Variants in PRKN observed in about 807,000 individuals in gnomAD.
PRKN encodes the protein E3 ubiquitin-protein ligase parkin.
In PRKN, 56 loss-of-function variants were observed where a neutral mutation model predicts 59.5. The ratio of observed to expected loss-of-function variants is 0.94; its 90% CI spans 0.76 to 1.18. The LOEUF (loss-of-function observed/expected upper bound fraction) is 1.18. Among genes scored for constraint, PRKN ranks in the 50% most tolerant of loss-of-function variants. The probability of loss-of-function intolerance (pLI) is 0.00; values close to 1 mark genes in which losing one functional copy is unlikely to be tolerated. For missense variants in PRKN, 657 were observed against 596.4 expected, an observed-to-expected ratio of 1.10 and a Z score of -1.06; for synonymous variants, 250 against 222.1, an observed-to-expected ratio of 1.13 and a Z score of -1.12.
At position 162,628,697 on chromosome 6, in the gene PRKN, A is replaced by G. The variant is rs188239604; in HGVS notation, c.7+98965T>C. ...ATTCAGAGTGCATGGTAATTATTGA[A>G]TAATAACAAAAAGTTAACCTGGAAT... On this transcript the variant is annotated intron_variant, in intron 1 of 11. Transcript: ENST00000366898. Among the ~76,000 whole-genome samples the G allele has an allele frequency of 2.5e-3, 382 of 152,282 alleles. 1 individual carries two copies. The highest frequency in any genetic ancestry group is 4.6e-3 in the Non-Finnish European group (314 of 67,998).
At chr6:162,106,128 G>A (rs148018795) in intron 4 of PRKN, among the ~76,000 whole-genome samples, 1,991 of 152,292 alleles carry the variant, frequency 0.013, 33 homozygotes, top group South Asian at 0.024. Flanking sequence ...AAAGTATGTC[G>A]TTCAAAGTAA....
At chr6:161,872,981 A>C (rs1794406876) in intron 6 of PRKN, among the ~76,000 whole-genome samples, 1 of 149,886 alleles carries the variant, frequency 6.7e-6, no homozygotes, top group African/African-American at 2.5e-5. Flanking sequence ...TTTTCCAAAA[A>C]ACCTAGATGC....
intron 2 of PRKN, among the ~76,000 whole-genome samples, chr6:162,396,941 T>C (rs1323913704): frequency 2.0e-5 from 3 of 152,086 alleles, no homozygotes; most frequent in Non-Finnish European, 4.4e-5. Flanking sequence ...ACACACACAA[T>C]ATACACACAG....
At chr6:161,894,551 G>A (rs1777539588) in intron 6 of PRKN, among the ~76,000 whole-genome samples, 1 of 152,098 alleles carries the variant, frequency 6.6e-6, no homozygotes, top group Admixed American at 6.6e-5. Flanking sequence ...GGACCTTAAT[G>A]TATCTTAAAT....
intron 10 of PRKN, among the ~76,000 whole-genome samples, chr6:161,368,123 C>T (rs73600944): frequency 0.072 from 10,924 of 151,340 alleles, 1,373 homozygotes; most frequent in African/African-American, 0.25. Context: ...CTTTTGAGAG[C>T]ACAGTTTTCA....
At chr6:161,681,375 C>T (rs989814055) in intron 7 of PRKN, among the ~76,000 whole-genome samples, 4 of 152,008 alleles carry the variant, frequency 2.6e-5, no homozygotes, top group Admixed American at 6.5e-5. Context: ...CTAGAAAATA[C>T]TTGATCAGGA....
At chr6:162,515,895 GC>G (rs34662431) in intron 1 of PRKN, among the ~76,000 whole-genome samples, 12,687 of 152,212 alleles carry the variant, frequency 0.083, 567 homozygotes, top group South Asian at 0.17. Flanking sequence ...ATAGGCTAGG[GC>G]CGCATGTGAC....
Position 162,041,906 on chromosome 6 carries a change from T to C in PRKN, c.618+12185A>G, listed in dbSNP as rs150311109. Among the ~76,000 whole-genome samples, 656 of 152,232 alleles carry C rather than the reference T, an allele frequency of 4.3e-3. 7 individuals carry two copies. The highest frequency in any genetic ancestry group is 0.015 in the African/African-American group (622 of 41,546). ...TACGTGTGGCTGACATATCCTATCC[T>C]AGAGTGGCCACTTGTTTAGAACAGT... On this transcript the variant is annotated intron_variant, in intron 5 of 11. Transcript: ENST00000366898.
intron 5 of PRKN, among the ~76,000 whole-genome samples, chr6:161,993,689 C>T (rs1462422499): frequency 6.6e-6 from 1 of 152,138 alleles, no homozygotes; most frequent in African/African-American, 2.4e-5. Context: ...ATTTGTCTTG[C>T]TATATTGGAA....
At chr6:161,631,452 T>C (rs538241299) in intron 7 of PRKN, among the ~76,000 whole-genome samples, 2 of 152,262 alleles carry the variant, frequency 1.3e-5, no homozygotes, top group South Asian at 4.2e-4. Flanking sequence ...TTATGCAAAG[T>C]GTCAAGTGAC....
chr6:162,410,781 GTT>G (rs2128154504), intron 2 of PRKN, among the ~76,000 whole-genome samples: 1 of 152,256 alleles, frequency 6.6e-6, no homozygotes, highest in East Asian at 1.9e-4. Context: ...TTTGGCTTCT[GTT>G]ATCACCTGAG....
At chr6:162,573,757 TACATA>T (rs1780445454) in intron 1 of PRKN, among the ~76,000 whole-genome samples, 1 of 152,226 alleles carries the variant, frequency 6.6e-6, no homozygotes, top group Admixed American at 6.5e-5. Flanking sequence ...GAAATACATT[TACATA>T]AGTTCATTTA....
Position 161,513,491 on chromosome 6 carries a change from G to A in PRKN, c.1083+35363C>T, listed in dbSNP as rs183174305. ...TCCTGACCTCGTTCGTGATCTGCCC[G>A]CCTCAGTCTCCCAGAGTGCTGGGAT... On this transcript the variant is annotated intron_variant, in intron 9 of 11. Transcript: ENST00000366898. 3.6e-3 allele frequency among the ~76,000 whole-genome samples: 541 copies of A among 149,708 alleles called. 6 individuals are homozygous for A. Among genetic ancestry groups the A allele is most frequent in the African/African-American group, 0.012 (471 of 40,654 alleles).
chr6:162,703,711 G>A (rs114292972), intron 1 of PRKN, among the ~76,000 whole-genome samples: 11 of 152,356 alleles, frequency 7.2e-5, no homozygotes, highest in Middle Eastern at 6.8e-3. Flanking sequence ...CACAGTCACA[G>A]AGGGTCGTGA....
intron 2 of PRKN, among the ~76,000 whole-genome samples, chr6:162,359,051 C>A (rs1315452115): frequency 1.0e-5 from 1 of 99,234 alleles, no homozygotes; most frequent in African/African-American, 5.4e-5. Flanking sequence ...CACAGTGACA[C>A]ACTGTGGCAA....
intron 5 of PRKN, among the ~76,000 whole-genome samples, chr6:162,053,417 A>G (rs902525851): frequency 1.3e-5 from 2 of 152,190 alleles, no homozygotes; most frequent in African/African-American, 4.8e-5. Context: ...GCGAGTTTTG[A>G]GGTTAAAAAA....
intron 7 of PRKN, among the ~76,000 whole-genome samples, chr6:161,612,270 G>C (rs1429764306): frequency 1.3e-5 from 2 of 152,254 alleles, no homozygotes; most frequent in East Asian, 1.9e-4. Context: ...GTAGATGAAA[G>C]AGCCTTCTAT....
At chr6:162,140,510 A>G (rs1326410677) in intron 4 of PRKN, among the ~76,000 whole-genome samples, 2 of 152,150 alleles carry the variant, frequency 1.3e-5, no homozygotes, top group South Asian at 2.1e-4. Flanking sequence ...GTGTGTGTGT[A>G]TATGTGTGTG....
intron 1 of PRKN, among the ~76,000 whole-genome samples, chr6:162,716,038 C>A (rs1227108919): frequency 6.6e-6 from 1 of 152,220 alleles, no homozygotes; most frequent in Non-Finnish European, 1.5e-5. Flanking sequence ...AGCATCTTCA[C>A]TAACTGTGAC....
Sources: gnomAD v4.1 joint callset for allele counts (sites outside exome capture counted in the v4.1 genomes callset) on GRCh38, gnomAD v4.1.1 for gene constraint, MANE v1.5 for transcripts, NCBI Gene and HGNC (gene_info 2026-07-23, HGNC 2026-07-21) for gene names.